The following RGS5 variants were observed in gnomAD, a reference collection of about 807,000 sequenced individuals.
The protein encoded by RGS5 is regulator of G-protein signalling 5.
A neutral mutation model predicts 18.9 loss-of-function variants in RGS5; 20 were observed. That is an observed-to-expected ratio of 1.06 (90% CI 0.74 to 1.54). The LOEUF (loss-of-function observed/expected upper bound fraction) is 1.54. Among genes scored for constraint, RGS5 ranks in the 40% most tolerant of loss-of-function variants. The pLI is 0.00. For missense variants in RGS5, 201 were observed against 211.8 expected (o/e 0.95, Z 0.32); for synonymous variants, 57 against 76.2 (o/e 0.75, Z 1.31).
intron 1 of RGS5, among the ~76,000 whole-genome samples, chr1:163,308,281 AC>A (rs1283676963): frequency 6.6e-6 from 1 of 152,124 alleles, no homozygotes; most frequent in Non-Finnish European, 1.5e-5. Context: ...AATGAAAATA[AC>A]CCCTCCCCAT....
At chr1:163,162,583 T>A (rs969641609) in intron 2 of RGS5, among the ~76,000 whole-genome samples, 2 of 152,046 alleles carry the variant, frequency 1.3e-5, no homozygotes. Flanking sequence ...TTTTTAAAGA[T>A]TTACTCTTTC....
intron 1 of RGS5, among the ~76,000 whole-genome samples, chr1:163,187,066 G>A (rs1159325977): frequency 6.6e-6 from 1 of 152,000 alleles, no homozygotes; most frequent in Non-Finnish European, 1.5e-5. Context: ...AGTAGCTAAT[G>A]GCAGTTATGT....
intron 2 of RGS5, among the ~76,000 whole-genome samples, chr1:163,297,203 C>A (rs1434615016): frequency 3.9e-5 from 6 of 152,136 alleles, no homozygotes; most frequent in African/African-American, 1.4e-4. Context: ...AAGAGAGGAG[C>A]TGACTACAAA....
chr1:163,232,323 G>C (rs1019226910), intron 2 of RGS5, among the ~76,000 whole-genome samples: 5 of 152,152 alleles, frequency 3.3e-5, no homozygotes, highest in African/African-American at 1.2e-4. Flanking sequence ...CATACTCAAT[G>C]AAAGTTTCCT....
intron 2 of RGS5, among the ~76,000 whole-genome samples, chr1:163,222,910 A>G (rs767875984): frequency 3.0e-4 from 45 of 152,068 alleles, no homozygotes; most frequent in Non-Finnish European, 4.6e-4. Flanking sequence ...CCCAGGCTGG[A>G]GTACAGTGGC....
At chr1:163,288,635 T>A (rs3010368) in intron 2 of RGS5, among the ~76,000 whole-genome samples, 1 of 152,034 alleles carries the variant, frequency 6.6e-6, no homozygotes, top group African/African-American at 2.4e-5. Context: ...TTTAGCAGGG[T>A]CAATAGTCTT....
chr1:163,183,049 C>A (rs947015233), intron 1 of RGS5, among the ~76,000 whole-genome samples: 4 of 152,150 alleles, frequency 2.6e-5, no homozygotes, highest in Admixed American at 6.5e-5. Context: ...GTTCCCAGAA[C>A]TTTAATGTGT....
At chr1:163,256,960 A>G (rs1248409217) in intron 2 of RGS5, among the ~76,000 whole-genome samples, 1 of 152,188 alleles carries the variant, frequency 6.6e-6, no homozygotes, top group Non-Finnish European at 1.5e-5. Context: ...ATTGCCAACC[A>G]CCTTTCCCTT....
intron 1 of RGS5, among the ~76,000 whole-genome samples, chr1:163,175,496 G>A (rs1233762005): frequency 6.6e-6 from 1 of 152,140 alleles, no homozygotes; most frequent in Non-Finnish European, 1.5e-5. Context: ...TGGAAAGTCG[G>A]CTCAGTTCTG....
At chr1:163,296,564 G>A (rs1240129320) in intron 2 of RGS5, among the ~76,000 whole-genome samples, 1 of 152,114 alleles carries the variant, frequency 6.6e-6, no homozygotes, top group Non-Finnish European at 1.5e-5. Context: ...CATCACTGGA[G>A]GTATTCAAAC....
chr1:163,229,818 G>A (rs941560785), intron 2 of RGS5, among the ~76,000 whole-genome samples: 1 of 152,076 alleles, frequency 6.6e-6, no homozygotes, highest in African/African-American at 2.4e-5. Flanking sequence ...CTGCTTTATT[G>A]TCTGATTACT....
At chr1:163,204,211 TTTAA>T (rs1318634260), upstream of RGS5, among the ~76,000 whole-genome samples, 2 of 152,138 alleles carry the variant, frequency 1.3e-5, no homozygotes, top group African/African-American at 2.4e-5. Flanking sequence ...AAATTTTGAC[TTTAA>T]TTATCAATAT....
upstream of RGS5, among the ~76,000 whole-genome samples, chr1:163,204,682 C>T (rs1249282415): frequency 2.0e-5 from 3 of 152,080 alleles, no homozygotes; most frequent in Non-Finnish European, 4.4e-5. Flanking sequence ...GTCCAAGTTC[C>T]GCCATCTATT....
At position 163,202,913 on chromosome 1, in the gene RGS5, G is replaced by A; in HGVS notation, c.-78C>T. The A allele has an allele frequency of 7.3e-7, 1 of 1,378,852 alleles. No individual in the cohort carries two copies. Among genetic ancestry groups the A allele is most frequent in the Non-Finnish European group, 1.0e-6 (1 of 972,992 alleles). The allele number at this position is 1,378,852 out of a possible 1,614,324, so 85.4% of individuals were successfully genotyped here. A position where few individuals can be genotyped will look rare whatever the true frequency, so the allele number is the denominator to read the frequency against. On this transcript the variant is annotated 5_prime_UTR_variant, in exon 1 of 5. Transcript: ENST00000313961. ...GCCAGTCTTTGAAAACTTCAAAACT[G>A]TCTGGGATGCCTTTCCTCCTGAGGT...
rs559415466 is a variant in RGS5 at position 163,165,703 on chromosome 1, C to T, written c.155+2555G>A. Among the ~76,000 whole-genome samples the T allele has an allele frequency of 5.3e-5, 8 of 152,068 alleles. No individual in the cohort carries two copies. The South Asian group carries it at 8.3e-4, about 16-fold the overall frequency. ...GGCAGATCACCTGAGGTCAGGTGTTCGAGACCAGCCTGACCAACATGGAGA... is the reference window on the plus strand; with the variant it reads ...GGCAGATCACCTGAGGTCAGGTGTTTGAGACCAGCCTGACCAACATGGAGA... On this transcript the variant is annotated intron_variant, in intron 2 of 4. Transcript: ENST00000313961.
intron 2 of RGS5, among the ~76,000 whole-genome samples, chr1:163,163,183 G>A (rs1336944313): frequency 6.6e-6 from 1 of 152,080 alleles, no homozygotes; most frequent in Non-Finnish European, 1.5e-5. Flanking sequence ...TAGGTTTTGG[G>A]CTAAAGTATT....
chr1:163,143,622 C>T lies in RGS5; in HGVS notation c.*3720G>A, dbSNP rs1345067645. The T allele has an allele frequency of 6.6e-6, 1 of 152,134 alleles. No individual in the cohort carries two copies. The highest frequency in any genetic ancestry group is 1.5e-5 in the Non-Finnish European group (1 of 68,010). 9.4% of individuals were successfully genotyped at this position (152,134 alleles called of 1,614,324 possible). A position where few individuals can be genotyped will look rare whatever the true frequency, so the allele number is the denominator to read the frequency against. On this transcript the variant is annotated 3_prime_UTR_variant, in exon 5 of 5. Transcript: ENST00000313961. ...TTACGTTCATAGGTCTGAGCACTTA[C>T]TTTTTAACCTCTTCCCTTCTCCCCT...
At chr1:163,186,594 A>AAG (rs1659095364) in intron 1 of RGS5, among the ~76,000 whole-genome samples, 1 of 131,594 alleles carries the variant, frequency 7.6e-6, no homozygotes, top group African/African-American at 3.4e-5. Flanking sequence ...AAAAAAAAAA[A>AAG]AAAGAAAAAG....
At chr1:163,289,286 C>T (rs931529570) in intron 2 of RGS5, among the ~76,000 whole-genome samples, 6 of 151,972 alleles carry the variant, frequency 3.9e-5, no homozygotes, top group Admixed American at 3.9e-4. Context: ...CTGCAGTTAT[C>T]TTTCTCTGAA....
Sources: allele counts gnomAD v4.1 joint callset (sites outside exome capture counted in the v4.1 genomes callset), GRCh38; gene constraint gnomAD v4.1.1; transcripts MANE v1.5; gene names NCBI Gene and HGNC (gene_info 2026-07-23, HGNC 2026-07-21).